The following CTNND2 variants were observed in gnomAD, a reference collection of about 807,000 sequenced individuals.
CTNND2 encodes catenin delta-2.
A neutral mutation model predicts 144.4 loss-of-function variants in CTNND2; 22 were observed. That is an observed-to-expected ratio of 0.15 (90% CI 0.11 to 0.22). The LOEUF (loss-of-function observed/expected upper bound fraction) is 0.22. Among genes scored for constraint, CTNND2 ranks in the 10% least tolerant of loss-of-function variants. The pLI is 1.00. For missense variants in CTNND2, 1,353 were observed against 1,618.8 expected, an observed-to-expected ratio of 0.84 and a Z score of 2.82; for synonymous variants, 751 against 695.6, an observed-to-expected ratio of 1.08 and a Z score of -1.25.
intron 6 of CTNND2, among the ~76,000 whole-genome samples, chr5:11,388,547 A>G (rs966238336): frequency 1.3e-5 from 2 of 152,226 alleles, no homozygotes; most frequent in Non-Finnish European, 2.9e-5. Context: ...CTCCATTTCA[A>G]TGGCTTATAG....
intron 2 of CTNND2, among the ~76,000 whole-genome samples, chr5:11,674,716 T>TTGGTTGG (rs1784079745): frequency 6.6e-6 from 1 of 150,886 alleles, no homozygotes; most frequent in African/African-American, 2.5e-5. Flanking sequence ...TGTTTGTTTG[T>TTGGTTGG]TTGGTTGGTT....
chr5:11,068,612 A>T (rs893380701), intron 16 of CTNND2, among the ~76,000 whole-genome samples: 10 of 152,216 alleles, frequency 6.6e-5, no homozygotes, highest in Non-Finnish European at 1.2e-4. Flanking sequence ...GCATTACAAC[A>T]CAACTTAATA....
chr5:11,150,146 C>G (rs539474330), intron 12 of CTNND2, among the ~76,000 whole-genome samples: 3 of 152,260 alleles, frequency 2.0e-5, no homozygotes, highest in African/African-American at 7.2e-5. Flanking sequence ...CCTATGAGAC[C>G]CCCACACTAC....
At chr5:11,250,520 T>TATAAATATA (rs1491283471) in intron 9 of CTNND2, among the ~76,000 whole-genome samples, 1 of 5,542 alleles carries the variant, frequency 1.8e-4, no homozygotes, top group African/African-American at 4.1e-4. Context: ...TATACATATA[T>TATAAATATA]TTTTTTTTTT....
At chr5:11,726,936 GA>G (rs1787056472) in intron 2 of CTNND2, among the ~76,000 whole-genome samples, 1 of 152,102 alleles carries the variant, frequency 6.6e-6, no homozygotes, top group Admixed American at 6.5e-5. Context: ...GTTTCAGGGG[GA>G]AAAGTCAAAA....
chr5:11,410,941 G>A (rs931232379), intron 5 of CTNND2, among the ~76,000 whole-genome samples: 1 of 151,154 alleles, frequency 6.6e-6, no homozygotes, highest in Non-Finnish European at 1.5e-5. Flanking sequence ...GCGCAATCTC[G>A]GCTCACTGCA....
chr5:11,133,474 T>G (rs935137995), intron 12 of CTNND2, among the ~76,000 whole-genome samples: 1 of 152,144 alleles, frequency 6.6e-6, no homozygotes, highest in African/African-American at 2.4e-5. Context: ...AACCTCAGCC[T>G]CCCAAGCAGC....
At chr5:11,023,557 A>C (rs1343308566) in intron 16 of CTNND2, among the ~76,000 whole-genome samples, 2 of 152,212 alleles carry the variant, frequency 1.3e-5, no homozygotes, top group Admixed American at 6.5e-5. Flanking sequence ...AGCAAGGAGA[A>C]ACACTGAAAG....
chr5:11,147,659 T>C (rs1342530776), intron 12 of CTNND2, among the ~76,000 whole-genome samples: 1 of 81,412 alleles, frequency 1.2e-5, no homozygotes, highest in African/African-American at 4.8e-5. Flanking sequence ...ATTCAGCAGT[T>C]GAAAAAAAAA....
At chr5:11,278,910 A>G (rs1746831305) in intron 9 of CTNND2, among the ~76,000 whole-genome samples, 1 of 152,050 alleles carries the variant, frequency 6.6e-6, no homozygotes, top group Admixed American at 6.6e-5. Context: ...CTTCTAAGTG[A>G]TGGCAGCCCT....
intron 1 of CTNND2, among the ~76,000 whole-genome samples, chr5:11,860,084 T>A (rs940967380): frequency 6.6e-6 from 1 of 152,218 alleles, no homozygotes; most frequent in African/African-American, 2.4e-5. Context: ...GGATTAAATA[T>A]CTAAAATATT....
intron 1 of CTNND2, among the ~76,000 whole-genome samples, chr5:11,740,828 T>A (rs1414308929): frequency 6.6e-6 from 1 of 151,992 alleles, no homozygotes; most frequent in Non-Finnish European, 1.5e-5. Context: ...TACAAAGAAC[T>A]CAAACAAATT....
At chr5:11,419,281 T>C (rs531697935) in intron 3 of CTNND2, among the ~76,000 whole-genome samples, 147 of 152,206 alleles carry the variant, frequency 9.7e-4, no homozygotes, top group African/African-American at 3.3e-3. Context: ...AAAAATATCT[T>C]TGATACTTGG....
intron 3 of CTNND2, among the ~76,000 whole-genome samples, chr5:11,506,216 C>A (rs75637545): frequency 0.011 from 1,623 of 152,240 alleles, 14 homozygotes; most frequent in Middle Eastern, 0.031. Context: ...GCCAATAGGG[C>A]AGGCTCCAGC....
chr5:11,831,897 A>C (rs139311067), intron 1 of CTNND2, among the ~76,000 whole-genome samples: 3,175 of 152,280 alleles, frequency 0.021, 119 homozygotes, highest in African/African-American at 0.072. Context: ...TACGAGTTCT[A>C]GAAGACAATG....
At chr5:11,326,410 A>G (rs78229448) in intron 9 of CTNND2, among the ~76,000 whole-genome samples, 8 of 152,120 alleles carry the variant, frequency 5.3e-5, no homozygotes, top group African/African-American at 1.9e-4. Context: ...CATGGAAAAG[A>G]GAGTCAGGGA....
In CTNND2 at chr5:11,215,664, AG is replaced by A. The variant is rs1739097996; in HGVS notation, c.1762-16004del. ...TTCTGCTGTCACTCTTTAGGCTTTA[AG>A]ACACTAAAATGGGGAAAAATCTAAA... On this transcript the variant is annotated intron_variant, in intron 10 of 21. Transcript: ENST00000304623. Among the ~76,000 whole-genome samples the A allele has an allele frequency of 3.3e-5, 5 of 152,358 alleles. No individual in the cohort carries two copies. In the South Asian group the frequency reaches 1.0e-3, roughly 32 times the overall value.
At chr5:11,405,994 C>T (rs1761069692) in intron 5 of CTNND2, among the ~76,000 whole-genome samples, 1 of 151,910 alleles carries the variant, frequency 6.6e-6, no homozygotes, top group Admixed American at 6.5e-5. Context: ...ACTAAAAATA[C>T]AAAAATTAGC....
rs28556606 is a variant in CTNND2, at chr5:11,900,509, A to G, written c.37+3308T>C. On this transcript the variant is annotated intron_variant, in intron 1 of 21. Transcript: ENST00000304623. ...AATCAGTAGGCTGGATTGGCAGACA[A>G]TGTGATAGAAACTATTTATTGATGA... 8.9e-3 allele frequency among the ~76,000 whole-genome samples: 1,362 copies of G among 152,348 alleles called. 26 individuals are homozygous for G. Among genetic ancestry groups the G allele is most frequent in the African/African-American group, 0.031 (1,292 of 41,584 alleles).
Sources: allele counts gnomAD v4.1 joint callset (sites outside exome capture counted in the v4.1 genomes callset), GRCh38; gene constraint gnomAD v4.1.1; transcripts MANE v1.5; gene names NCBI Gene and HGNC (gene_info 2026-07-23, HGNC 2026-07-21).